MYO6: variants seen among roughly 807,000 people sequenced by gnomAD.
MYO6 encodes the protein unconventional myosin-VI.
MYO6 carries 74 observed loss-of-function variants against 178.7 expected under a neutral mutation model. The ratio of observed to expected loss-of-function variants is 0.41; its 90% CI spans 0.34 to 0.50. The LOEUF (loss-of-function observed/expected upper bound fraction) is 0.50, where lower values mean the gene tolerates loss of function less well. Ranked by LOEUF, MYO6 falls within the 20% of genes least tolerant of loss-of-function variation. MYO6 has a pLI of 0.09. For synonymous variants in MYO6, 477 were observed against 504.6 expected, an observed-to-expected ratio of 0.95 and a Z score of 0.73; for missense variants, 1,330 against 1,547.4, an observed-to-expected ratio of 0.86 and a Z score of 2.36.
intron 2 of MYO6, among the ~76,000 whole-genome samples, chr6:75,822,288 G>A (rs1771966029): frequency 1.3e-5 from 2 of 152,134 alleles, no homozygotes; most frequent in South Asian, 4.2e-4. Flanking sequence ...AGTAGAGACG[G>A]AGTTCTACCA....
intron 1 of MYO6, among the ~76,000 whole-genome samples, chr6:75,751,767 A>G (rs1294185214): frequency 6.6e-6 from 1 of 152,168 alleles, no homozygotes; most frequent in African/African-American, 2.4e-5. Flanking sequence ...TTCTTTAGAA[A>G]GTTTTAAAGA....
chr6:75,765,368 G>C (rs955758474), intron 1 of MYO6, among the ~76,000 whole-genome samples: 11 of 151,332 alleles, frequency 7.3e-5, no homozygotes, highest in African/African-American at 2.7e-4. Flanking sequence ...GTAGAGATGG[G>C]GTTTCACCAT....
intron 18 of MYO6, among the ~76,000 whole-genome samples, chr6:75,870,007 G>A (rs1392901545): frequency 2.0e-5 from 3 of 151,822 alleles, no homozygotes; most frequent in Non-Finnish European, 2.9e-5. Context: ...CCAGCTACTC[G>A]GGAGGCTGAG....
intron 30 of MYO6, among the ~76,000 whole-genome samples, chr6:75,902,608 TTCTC>T (rs1779897273): frequency 6.6e-6 from 1 of 152,162 alleles, no homozygotes; most frequent in Admixed American, 6.5e-5. Flanking sequence ...TATTTGATTC[TTCTC>T]TCTTTTTTTC....
chr6:75,847,879 A>G (rs1047037414), intron 10 of MYO6, among the ~76,000 whole-genome samples: 2 of 151,958 alleles, frequency 1.3e-5, no homozygotes, highest in African/African-American at 4.8e-5. Flanking sequence ...AGAATAATGT[A>G]TATTTATACA....
At chr6:75,856,182 C>T (rs1054913521) in intron 12 of MYO6, among the ~76,000 whole-genome samples, 17 of 152,224 alleles carry the variant, frequency 1.1e-4, no homozygotes, top group Admixed American at 4.6e-4. Flanking sequence ...GATATCTCTG[C>T]GGCCCAAGGG....
At chr6:75,809,912 A>C (rs184475033) in intron 1 of MYO6, among the ~76,000 whole-genome samples, 2,797 of 149,208 alleles carry the variant, frequency 0.019, 102 homozygotes, top group African/African-American at 0.064. Context: ...AAAAAAAAAA[A>C]AAAACAAAAA....
chr6:75,840,137 A>G (rs1774067128), intron 7 of MYO6, among the ~76,000 whole-genome samples: 1 of 151,312 alleles, frequency 6.6e-6, no homozygotes, highest in South Asian at 2.1e-4. Flanking sequence ...ATTTGGCATT[A>G]CATGTGAATT....
At position 75,841,219 on chromosome 6, in the gene MYO6, AGTT is replaced by A; in HGVS notation, c.662_664del (p.Val221del). On this transcript the variant is annotated inframe_deletion, in exon 9 of 35. Coordinates refer to ENST00000369977, the MANE Select transcript of MYO6 (RefSeq NM_004999.4). ...CTCTGTGTTTTGTTTTTTAGAGCTC[AGTT>A]GTTGGAGGATTTGTTTCACATTATC... 1.2e-6 allele frequency: 2 copies of A among 1,613,792 alleles called. No individual in the cohort carries two copies. The highest frequency in any genetic ancestry group is 1.7e-6 in the Non-Finnish European group (2 of 1,179,864).
intron 12 of MYO6, 73 bp downstream of exon 12, chr6:75,855,356 C>G: frequency 6.8e-7 from 1 of 1,464,750 alleles, no homozygotes; most frequent in Non-Finnish European, 9.5e-7. Flanking sequence ...AAGTTACATT[C>G]TGTTTAAAAC....
In MYO6 at chr6:75,810,770, C is replaced by T. The variant is rs151148843; in HGVS notation, c.-47-6731C>T. ...TGTGCAGGCCTGTCAAGAGATAGAA[C>T]GGAGTTAAGGCCAAGGTTGAGGCCT... is the stretch of plus-strand genomic sequence containing the variant. On this transcript the variant is annotated intron_variant, in intron 1 of 34. Transcript: ENST00000369977. Among the ~76,000 whole-genome samples, 209 of 152,254 alleles carry T rather than the reference C, an allele frequency of 1.4e-3. 1 individual carries two copies. Among genetic ancestry groups the T allele is most frequent in the African/African-American group, 4.7e-3 (194 of 41,540 alleles).
In MYO6 at chr6:75,840,826, A is replaced by G; in HGVS notation, c.651+144A>G. On this transcript the variant is annotated intron_variant, in intron 8 of 34. Transcript: ENST00000369977. ...GATGGTTGCAGGAATATATGTGTCC[A>G]CTATGACCATCTAAAAGCTCCTTTC... The G allele has an allele frequency of 4.3e-6, 3 of 694,048 alleles. 1 individual carries two copies. Among genetic ancestry groups the G allele is most frequent in the South Asian group, 3.5e-5 (2 of 57,778 alleles). The allele number at this position is 694,048 out of a possible 1,614,324, so 43.0% of individuals were successfully genotyped here.
At chr6:75,763,672 T>A (rs1778145132) in intron 1 of MYO6, among the ~76,000 whole-genome samples, 1 of 152,148 alleles carries the variant, frequency 6.6e-6, no homozygotes, top group Non-Finnish European at 1.5e-5. Context: ...AGGCAGTAGG[T>A]TGAGGTTCAA....
At chr6:75,870,785 A>G in intron 19 of MYO6, 100 bp downstream of exon 19, 2 of 905,908 alleles carry the variant, frequency 2.2e-6, no homozygotes, top group Non-Finnish European at 3.3e-6. Context: ...AATTAAAAAT[A>G]CATTTTAAAC....
chr6:75,800,233 G>T (rs545593806), intron 1 of MYO6, among the ~76,000 whole-genome samples: 1 of 152,130 alleles, frequency 6.6e-6, no homozygotes, highest in South Asian at 2.1e-4. Context: ...TTCAAAATTG[G>T]TATGCGGCTG....
intron 1 of MYO6, among the ~76,000 whole-genome samples, chr6:75,785,510 T>C (rs2150066271): frequency 6.6e-6 from 1 of 150,804 alleles, no homozygotes; most frequent in South Asian, 2.1e-4. Context: ...ATTACTGTGT[T>C]GTCCACACCA....
At chr6:75,830,040 G>C (rs1166096995) in intron 4 of MYO6, among the ~76,000 whole-genome samples, 2 of 152,176 alleles carry the variant, frequency 1.3e-5, no homozygotes, top group African/African-American at 2.4e-5. Context: ...ACAGGAGAAG[G>C]CTGAATGAGA....
chr6:75,897,799 G>A (rs760439467), intron 29 of MYO6, among the ~76,000 whole-genome samples: 5 of 152,164 alleles, frequency 3.3e-5, no homozygotes, highest in Non-Finnish European at 7.4e-5. Context: ...TTTTGCCTTT[G>A]GCAAATGTTT....
intron 13 of MYO6, 58 bp downstream of exon 13, chr6:75,857,312 AT>A (rs1221673404): frequency 2.0e-6 from 3 of 1,530,136 alleles, no homozygotes; most frequent in Non-Finnish European, 1.8e-6. Flanking sequence ...ACACATTAGA[AT>A]TTGTTCTTAA....
Sources: allele counts gnomAD v4.1 joint callset (sites outside exome capture counted in the v4.1 genomes callset), GRCh38; gene constraint gnomAD v4.1.1; transcripts MANE v1.5; gene names NCBI Gene and HGNC (gene_info 2026-07-23, HGNC 2026-07-21).